The following DCAF6 variants were observed in gnomAD, a reference collection of about 807,000 sequenced individuals.
DCAF6 encodes the protein DDB1 and CUL4 associated factor 6, also known as DDB1- and CUL4-associated factor 6.
Under a neutral mutation model 125.1 loss-of-function variants are expected in DCAF6, and 54 were observed. The ratio of observed to expected loss-of-function variants is 0.43; its 90% CI spans 0.35 to 0.54. DCAF6 has a LOEUF of 0.54. Among genes scored for constraint, DCAF6 ranks in the 20% least tolerant of loss-of-function variants. DCAF6 has a pLI of 0.01. For missense variants in DCAF6, 934 were observed against 1,161.7 expected, an observed-to-expected ratio of 0.80 and a Z score of 2.85; for synonymous variants, 371 against 390.4, an observed-to-expected ratio of 0.95 and a Z score of 0.58.
Position 168,004,745 on chromosome 1 carries a change from C to G in DCAF6, c.1330C>G (p.Gln444Glu), listed in dbSNP as rs758228451. 5 of 1,613,834 alleles carry G rather than the reference C, an allele frequency of 3.1e-6. No individual in the cohort carries two copies. Among genetic ancestry groups the G allele is most frequent in the Middle Eastern group, 1.6e-4 (1 of 6,084 alleles). ...TPLLSSPDSE[Q>E]RQSVEASGHH... ...TTTGCTATCTTCTCCAGACAGTGAACAAAGGCAGTCTGTTGAGGCATCTGG... is the reference window on the plus strand; with the variant it reads ...TTTGCTATCTTCTCCAGACAGTGAAGAAAGGCAGTCTGTTGAGGCATCTGG... Residue 444 changes from glutamine to glutamate, a missense_variant, in exon 10 of 22, where the codon CAA (glutamine) becomes GAA (glutamate). Transcript: ENST00000367840.
At chr1:167,924,493 T>C in the DCAF6 span, 1 of 1,592,684 alleles carries the variant, frequency 6.3e-7, no homozygotes, top group Non-Finnish European at 8.5e-7. Flanking sequence ...AACTCAAGAC[T>C]TACCCATTTC....
intron 3 of DCAF6, among the ~76,000 whole-genome samples, chr1:167,967,825 C>T (rs12066564): frequency 0.03 from 4,492 of 148,732 alleles, 234 homozygotes; most frequent in African/African-American, 0.11. Context: ...CTGCCTCCTG[C>T]GTTCAAGCGA....
At chr1:168,009,944 A>G (rs989275031) in intron 10 of DCAF6, among the ~76,000 whole-genome samples, 4 of 150,090 alleles carry the variant, frequency 2.7e-5, no homozygotes, top group Non-Finnish European at 5.9e-5. Flanking sequence ...CCCTCTAAAG[A>G]TACGATTAAA....
At chr1:167,922,656 C>A in the DCAF6 span, among the ~76,000 whole-genome samples, 2 of 151,982 alleles carry the variant, frequency 1.3e-5, no homozygotes, top group South Asian at 4.1e-4. Flanking sequence ...GACTTATATT[C>A]TAATCTTGTC....
At chr1:167,962,449 C>T (rs1208502755) in intron 2 of DCAF6, among the ~76,000 whole-genome samples, 1 of 152,074 alleles carries the variant, frequency 6.6e-6, no homozygotes, top group Non-Finnish European at 1.5e-5. Flanking sequence ...TTATGAAATA[C>T]CCTTCTTTTT....
At chr1:167,894,918 C>T in the DCAF6 span, among the ~76,000 whole-genome samples, 1 of 152,154 alleles carries the variant, frequency 6.6e-6, no homozygotes, top group African/African-American at 2.4e-5. Context: ...AGCACGGTGG[C>T]TCACACCTGT....
intron 7 of DCAF6, among the ~76,000 whole-genome samples, chr1:167,996,385 C>T (rs963315553): frequency 6.6e-6 from 1 of 152,012 alleles, no homozygotes; most frequent in African/African-American, 2.4e-5. Context: ...TAGCTTGTGC[C>T]TAAAAATATA....
chr1:168,066,248 CAGTT>C, intron 19 of DCAF6, 125 bp from the exon 20 acceptor site: 1 of 467,036 alleles, frequency 2.1e-6, no homozygotes. Flanking sequence ...TTTCAATTAA[CAGTT>C]AAATATATAG....
chr1:167,884,359 A>G, the DCAF6 span, among the ~76,000 whole-genome samples: 1 of 152,100 alleles, frequency 6.6e-6, no homozygotes, highest in Non-Finnish European at 1.5e-5. Flanking sequence ...CTTTTAAACA[A>G]TCAGATCCCA....
At chr1:167,903,218 T>C in the DCAF6 span, among the ~76,000 whole-genome samples, 7 of 151,704 alleles carry the variant, frequency 4.6e-5, no homozygotes, top group African/African-American at 1.7e-4. Flanking sequence ...ATCGTGCCAC[T>C]GCACTCCAGC....
the DCAF6 span, chr1:167,903,841 A>G: frequency 2.2e-6 from 3 of 1,392,806 alleles, no homozygotes; most frequent in Admixed American, 5.0e-5. Context: ...CGGAAAAAAC[A>G]ATGAATTGAA....
chr1:167,960,541 A>G (rs951797187), intron 2 of DCAF6, among the ~76,000 whole-genome samples: 3 of 152,004 alleles, frequency 2.0e-5, no homozygotes, highest in African/African-American at 7.3e-5. Context: ...TGACCTCGTG[A>G]TCTTCCTGTC....
At chr1:167,978,670 G>A (rs1678621496) in intron 4 of DCAF6, among the ~76,000 whole-genome samples, 1 of 151,968 alleles carries the variant, frequency 6.6e-6, no homozygotes, top group Non-Finnish European at 1.5e-5. Context: ...CCTAGTGGTG[G>A]GGGAGGGTGC....
At chr1:167,902,155 G>A in the DCAF6 span, 8 of 1,146,768 alleles carry the variant, frequency 7.0e-6, no homozygotes, top group South Asian at 1.0e-4. Flanking sequence ...CAAAAGAACA[G>A]TGATTCAGAG....
chr1:168,063,826 G>C, intron 18 of DCAF6, 67 bp downstream of exon 18: 1 of 1,477,714 alleles, frequency 6.8e-7, no homozygotes, highest in Non-Finnish European at 9.2e-7. Context: ...TTTCCATAAT[G>C]ATTTATCTTC....
At chr1:167,886,116 T>C in the DCAF6 span, among the ~76,000 whole-genome samples, 1 of 152,112 alleles carries the variant, frequency 6.6e-6, no homozygotes, top group Non-Finnish European at 1.5e-5. Flanking sequence ...AAAATGGCCA[T>C]ACTGCTCAAG....
the DCAF6 span, among the ~76,000 whole-genome samples, chr1:167,881,096 C>T: frequency 2.6e-5 from 4 of 152,140 alleles, no homozygotes; most frequent in African/African-American, 7.2e-5. Flanking sequence ...TTTTTGGCTA[C>T]TAAAAGAATT....
At chr1:167,919,910 A>T in the DCAF6 span, 1 of 1,179,904 alleles carries the variant, frequency 8.5e-7, no homozygotes, top group Admixed American at 2.4e-5. Flanking sequence ...CCCGTCTCAA[A>T]AAAAAAAAAA....
chr1:167,957,101 A>T (rs202269), intron 2 of DCAF6, among the ~76,000 whole-genome samples: 126 of 149,966 alleles, frequency 8.4e-4, no homozygotes, highest in African/African-American at 2.8e-3. Flanking sequence ...GTGGACATTT[A>T]TTTTTTTTTT....
Sources: gnomAD v4.1 joint callset for allele counts (sites outside exome capture counted in the v4.1 genomes callset) on GRCh38, gnomAD v4.1.1 for gene constraint, MANE v1.5 for transcripts, NCBI Gene and HGNC (gene_info 2026-07-23, HGNC 2026-07-21) for gene names.